RBM41: variants seen among roughly 807,000 people sequenced by gnomAD.
RBM41 encodes RNA-binding protein 41.
In RBM41, 14 loss-of-function variants were observed where a neutral mutation model predicts 30.8. That is an observed-to-expected ratio of 0.45 (90% CI 0.30 to 0.71). The LOEUF (loss-of-function observed/expected upper bound fraction) is 0.71, where lower values mean the gene tolerates loss of function less well. Ranked by LOEUF, RBM41 falls within the 30% of genes least tolerant of loss-of-function variation. The pLI is 0.08. For synonymous variants in RBM41, 120 were observed against 110.1 expected, an observed-to-expected ratio of 1.09 and a Z score of -0.56; for missense variants, 276 against 326.3, an observed-to-expected ratio of 0.85 and a Z score of 1.19.
In RBM41 at chrX:107,065,290, T is replaced by G. The variant is rs1482996413; in HGVS notation, c.*2237A>C. ...ACTTATGACTGCCATTTTATTGTTT[T>G]TGATATGCCTCAAGCTTTTTGCTTC... is the stretch of plus-strand genomic sequence containing the variant. On this transcript the variant is annotated 3_prime_UTR_variant, in exon 8 of 8. Transcript: ENST00000685964. The G allele has an allele frequency of 8.9e-6, 1 of 112,363 alleles. No individual in the cohort carries two copies. The highest frequency in any genetic ancestry group is 1.9e-5 in the Non-Finnish European group (1 of 53,262). 9.3% of individuals were successfully genotyped at this position (112,363 alleles called of 1,213,427 possible).
chrX:107,118,362 GC>G (rs1882335076), intron 1 of RBM41, among the ~76,000 whole-genome samples: 2 of 111,754 alleles, frequency 1.8e-5, no homozygotes, highest in Non-Finnish European at 3.8e-5. Context: ...AAATGCGCCC[GC>G]CCCGAGCCTT....
At chrX:107,108,021 G>C (rs190160361) in intron 5 of RBM41, among the ~76,000 whole-genome samples, 1 of 111,265 alleles carries the variant, frequency 9.0e-6, no homozygotes. Context: ...AGTTTGTCTC[G>C]AGATATAGTA....
intron 5 of RBM41, among the ~76,000 whole-genome samples, chrX:107,108,519 T>C (rs1924196273): frequency 9.0e-6 from 1 of 111,698 alleles, no homozygotes; most frequent in African/African-American, 3.3e-5. Context: ...CATAATCAAA[T>C]TGCTGAAAAT....
chrX:107,069,381 T>C lies in RBM41; in HGVS notation c.1021A>G (p.Ser341Gly), dbSNP rs1383990952. ...AGATCTCTTTCAGTCACCCGAGGGC[T>C]AAGGTTCTTCAGGTATAATACCTAA... Reference protein sequence around the residue: ...PNKVLYLKNLSPRVTERDLVS... With the variant: ...PNKVLYLKNLGPRVTERDLVS... Residue 341 changes from serine (S) to glycine (G), a missense_variant, in exon 7 of 8, where the codon AGC (serine) becomes GGC (glycine). By Grantham distance (56) the Ser-to-Gly change is moderately conservative. Coordinates refer to ENST00000685964, the MANE Select transcript of RBM41 (RefSeq NM_001324242.2). The C allele has an allele frequency of 8.3e-7, 1 of 1,203,728 alleles. No individual in the cohort carries two copies. Among genetic ancestry groups the C allele is most frequent in the Non-Finnish European group, 1.1e-6 (1 of 890,200 alleles).
the RBM41 span, among the ~76,000 whole-genome samples, chrX:107,055,261 G>A: frequency 4.1e-4 from 46 of 112,465 alleles, no homozygotes; most frequent in African/African-American, 1.4e-3. Flanking sequence ...GGATATTTGA[G>A]TTGTTTTCAC....
downstream of RBM41, among the ~76,000 whole-genome samples, chrX:107,061,253 C>T (rs1935633061): frequency 8.9e-6 from 1 of 111,923 alleles, no homozygotes; most frequent in African/African-American, 3.2e-5. Flanking sequence ...ATTTTGATAA[C>T]TGTACTATAG....
At chrX:107,107,881 G>C (rs1249312001) in intron 5 of RBM41, among the ~76,000 whole-genome samples, 1 of 111,336 alleles carries the variant, frequency 9.0e-6, no homozygotes, top group African/African-American at 3.3e-5. Flanking sequence ...AGAAGGATAA[G>C]AGAAAGGTTG....
intron 6 of RBM41, among the ~76,000 whole-genome samples, chrX:107,070,737 G>A (rs1936026872): frequency 9.0e-6 from 1 of 111,119 alleles, no homozygotes; most frequent in African/African-American, 3.3e-5. Flanking sequence ...AGGCGGCACG[G>A]GAGGGTAGGT....
At chrX:107,058,019 C>T (rs953987011), downstream of RBM41, among the ~76,000 whole-genome samples, 1 of 111,643 alleles carries the variant, frequency 9.0e-6, no homozygotes, top group African/African-American at 3.3e-5. Context: ...TGAGGCCAGG[C>T]GTGGTGGCTC....
At position 107,106,413 on chromosome X, in the gene RBM41, T is replaced by C. The variant is rs781507676; in HGVS notation, c.595+6984A>G. ...TGGAGAAATAGGAACACTTTTACACTGTTGGTGGGACTGTAAACTAGTTCA... is the reference window on the plus strand; with the variant it reads ...TGGAGAAATAGGAACACTTTTACACCGTTGGTGGGACTGTAAACTAGTTCA... On this transcript the variant is annotated intron_variant, in intron 5 of 7. Transcript: ENST00000685964. 9.1e-3 allele frequency among the ~76,000 whole-genome samples: 1,019 copies of C among 111,482 alleles called. 14 individuals carry two copies. The highest frequency in any genetic ancestry group is 0.031 in the African/African-American group (958 of 30,556).
intron 7 of RBM41, among the ~76,000 whole-genome samples, chrX:107,069,032 G>A (rs985484291): frequency 9.0e-6 from 1 of 111,721 alleles, no homozygotes; most frequent in African/African-American, 3.3e-5. Flanking sequence ...TAAGAAGGAA[G>A]TACCAAGACT....
intron 6 of RBM41, among the ~76,000 whole-genome samples, chrX:107,081,821 T>A (rs995120613): frequency 4.5e-5 from 5 of 112,071 alleles, no homozygotes; most frequent in African/African-American, 1.6e-4. Context: ...ATTTCTGGTA[T>A]AGAGGAAAGC....
chrX:107,054,265 C>T, the RBM41 span, among the ~76,000 whole-genome samples: 1 of 111,627 alleles, frequency 9.0e-6, no homozygotes, highest in Non-Finnish European at 1.9e-5. Flanking sequence ...TTAACTGCTT[C>T]AGATACTAAG....
intron 5 of RBM41, among the ~76,000 whole-genome samples, chrX:107,095,969 A>G (rs1209176560): frequency 2.7e-5 from 3 of 111,845 alleles, no homozygotes; most frequent in Non-Finnish European, 5.6e-5. Context: ...GCGAGCTATG[A>G]TTGTGTCACT....
chrX:107,052,415 C>T, the RBM41 span, among the ~76,000 whole-genome samples: 2 of 110,938 alleles, frequency 1.8e-5, no homozygotes, highest in Non-Finnish European at 3.8e-5. Context: ...GATTCTTAGT[C>T]GGCCTAGGAA....
chrX:107,095,702 C>A (rs1164349061), intron 5 of RBM41, among the ~76,000 whole-genome samples: 1 of 111,094 alleles, frequency 9.0e-6, no homozygotes, highest in African/African-American at 3.3e-5. Context: ...ACATGAAAAT[C>A]ATTAAAATGC....
intron 6 of RBM41, among the ~76,000 whole-genome samples, chrX:107,073,762 A>T (rs867502437): frequency 4.5e-5 from 5 of 112,282 alleles, no homozygotes; most frequent in Middle Eastern, 4.6e-3. Flanking sequence ...TGTGGTATAT[A>T]TACACAGTGG....
intron 7 of RBM41, among the ~76,000 whole-genome samples, chrX:107,068,072 G>T (rs1371938868): frequency 9.0e-6 from 1 of 111,541 alleles, no homozygotes; most frequent in Admixed American, 9.5e-5. Flanking sequence ...TAACACAAAA[G>T]AAGTTATCAT....
chrX:107,086,725 C>T (rs1016240790), intron 6 of RBM41, among the ~76,000 whole-genome samples: 6 of 111,525 alleles, frequency 5.4e-5, no homozygotes, highest in Admixed American at 9.5e-5. Context: ...AAACACTGTC[C>T]TAGAAAAAGT....
Sources: gnomAD v4.1 joint callset for allele counts (sites outside exome capture counted in the v4.1 genomes callset) on GRCh38, gnomAD v4.1.1 for gene constraint, MANE v1.5 for transcripts, NCBI Gene and HGNC (gene_info 2026-07-23, HGNC 2026-07-21) for gene names.